MAGED1: variants seen among roughly 807,000 people sequenced by gnomAD.
The protein encoded by MAGED1 is MAGE family member D1, also known as melanoma-associated antigen D1.
Under a neutral mutation model 54.1 loss-of-function variants are expected in MAGED1, and 3 were observed. That is an observed-to-expected ratio of 0.06 (90% CI 0.03 to 0.14). The LOEUF is 0.14. Among genes scored for constraint, MAGED1 ranks in the 10% least tolerant of loss-of-function variants. The pLI, the probability that MAGED1 is intolerant of heterozygous loss-of-function variation, is 1.00. For missense variants in MAGED1, 485 were observed against 623.4 expected (o/e 0.78, Z 2.36); for synonymous variants, 217 against 227.3 (o/e 0.95, Z 0.41).
chrX:51,868,314 G>A (rs1437936755), intron 1 of MAGED1, among the ~76,000 whole-genome samples: 4 of 111,345 alleles, frequency 3.6e-5, no homozygotes, highest in Admixed American at 9.6e-5. Context: ...TAAGATAGGA[G>A]TGGGGGACAA....
chrX:51,839,945 A>G (rs1926392021), intron 1 of MAGED1, among the ~76,000 whole-genome samples: 2 of 112,280 alleles, frequency 1.8e-5, no homozygotes, highest in South Asian at 7.4e-4. Context: ...CTGGGTGTCC[A>G]TGTGACCCTT....
chrX:51,894,556 C>T, intron 2 of MAGED1: 2 of 978,565 alleles, frequency 2.0e-6, no homozygotes, highest in Admixed American at 2.9e-5. Context: ...GAGGGGAGAC[C>T]CTGTTAGTAG....
At chrX:51,838,786 T>A (rs1926348777) in intron 1 of MAGED1, among the ~76,000 whole-genome samples, 1 of 111,689 alleles carries the variant, frequency 9.0e-6, no homozygotes, top group Non-Finnish European at 1.9e-5. Flanking sequence ...ACCTCAGTGG[T>A]CAGGATACAA....
At chrX:51,841,308 T>G (rs1290720773) in intron 1 of MAGED1, among the ~76,000 whole-genome samples, 1 of 110,852 alleles carries the variant, frequency 9.0e-6, no homozygotes, top group African/African-American at 3.3e-5. Flanking sequence ...TAAATTTGTT[T>G]GAGTTCATTG....
At chrX:51,835,263 C>A (rs1453978672) in intron 1 of MAGED1, among the ~76,000 whole-genome samples, 2 of 110,997 alleles carry the variant, frequency 1.8e-5, no homozygotes, top group Admixed American at 1.9e-4. Context: ...CTTAGCCTAC[C>A]TTAAACATGC....
chrX:51,896,167 A>G, intron 3 of MAGED1: 1 of 422,201 alleles, frequency 2.4e-6, no homozygotes, highest in Non-Finnish European at 4.1e-6. Flanking sequence ...GTACAGGCAG[A>G]ACCAGTGGTG....
intron 1 of MAGED1, among the ~76,000 whole-genome samples, chrX:51,836,601 G>A (rs1926261336): frequency 1.9e-5 from 2 of 104,314 alleles, no homozygotes; most frequent in South Asian, 9.0e-4. Flanking sequence ...ATGGAGTCTC[G>A]CTCTGTCTCC....
intron 1 of MAGED1, among the ~76,000 whole-genome samples, chrX:51,859,937 A>AAAG (rs1927218762): frequency 9.3e-6 from 1 of 107,508 alleles, no homozygotes; most frequent in South Asian, 4.3e-4. Context: ...TCTGTCTCAA[A>AAAG]AAAGAAAGAA....
chrX:51,901,335 T>C (rs1557364917), intron 11 of MAGED1, among the ~76,000 whole-genome samples: 2 of 112,074 alleles, frequency 1.8e-5, no homozygotes, highest in African/African-American at 6.5e-5. Flanking sequence ...TTTGTCTTTC[T>C]GTGTCTGGCT....
chrX:51,867,252 A>T (rs1188518469), intron 1 of MAGED1, among the ~76,000 whole-genome samples: 1 of 112,148 alleles, frequency 8.9e-6, no homozygotes, highest in East Asian at 2.8e-4. Flanking sequence ...ATGTAGATGA[A>T]GGGCAGAGAG....
chrX:51,831,351 C>T (rs1926058480), intron 1 of MAGED1, among the ~76,000 whole-genome samples: 1 of 112,143 alleles, frequency 8.9e-6, no homozygotes, highest in South Asian at 3.7e-4. Flanking sequence ...GTGGCTTAAG[C>T]CTATAATCCC....
upstream of MAGED1, among the ~76,000 whole-genome samples, chrX:51,890,384 A>G (rs1189848032): frequency 8.9e-6 from 1 of 111,995 alleles, no homozygotes; most frequent in Non-Finnish European, 1.9e-5. Context: ...ACTGTAATAA[A>G]CAATAGCCAT....
rs782368575 is a variant in MAGED1 at position 51,898,278 on chromosome X, A to G, written c.1739-7A>G. 3 of 1,208,581 alleles carry G rather than the reference A, an allele frequency of 2.5e-6. No homozygotes were observed. The highest frequency in any genetic ancestry group is 3.5e-5 in the African/African-American group (2 of 56,795). On this transcript the variant is annotated splice_polypyrimidine_tract_variant and splice_region_variant and intron_variant, in intron 8 of 12. Transcript: ENST00000326587. ...CGTCCCTTGTCTCCCCTTGCCTCCC[A>G]TTGCAGCTGTCCTCTGGGAGGCACT... is the stretch of plus-strand genomic sequence containing the variant.
chrX:51,864,832 GTTC>G (rs1927407289), intron 1 of MAGED1, among the ~76,000 whole-genome samples: 1 of 111,523 alleles, frequency 9.0e-6, no homozygotes, highest in Non-Finnish European at 1.9e-5. Flanking sequence ...TCATTTATTA[GTTC>G]TAATAGTTTG....
At chrX:51,847,380 C>A (rs187741006) in intron 1 of MAGED1, among the ~76,000 whole-genome samples, 1 of 111,245 alleles carries the variant, frequency 9.0e-6, no homozygotes, top group African/African-American at 3.3e-5. Context: ...TTATTTAACT[C>A]CTTATTCATC....
chrX:51,901,032 A>C (rs1557364893), intron 11 of MAGED1, among the ~76,000 whole-genome samples: 1 of 112,493 alleles, frequency 8.9e-6, no homozygotes, highest in Non-Finnish European at 1.9e-5. Context: ...TGATTACATC[A>C]AGCTAGTTAA....
intron 1 of MAGED1, among the ~76,000 whole-genome samples, chrX:51,804,946 C>G (rs868968915): frequency 8.9e-6 from 1 of 111,782 alleles, no homozygotes; most frequent in African/African-American, 3.3e-5. Flanking sequence ...TTCCCATTCC[C>G]CTAGTGGTCA....
chrX:51,899,348 A>AGGCT (rs1928903688), intron 10 of MAGED1: 1 of 110,586 alleles, frequency 9.0e-6, no homozygotes, highest in Non-Finnish European at 1.9e-5. Context: ...TCTCCATGTT[A>AGGCT]GGCTGGTCTC....
chrX:51,859,297 G>C (rs1362803240), intron 1 of MAGED1, among the ~76,000 whole-genome samples: 1 of 111,186 alleles, frequency 9.0e-6, no homozygotes, highest in Non-Finnish European at 1.9e-5. Context: ...CTCTATAATA[G>C]ACCTCTCCAA....
Sources: gnomAD v4.1 joint callset for allele counts (sites outside exome capture counted in the v4.1 genomes callset) on GRCh38, gnomAD v4.1.1 for gene constraint, MANE v1.5 for transcripts, NCBI Gene and HGNC (gene_info 2026-07-23, HGNC 2026-07-21) for gene names.